The following NRXN2 variants were observed in gnomAD, a reference collection of about 807,000 sequenced individuals.
NRXN2 encodes the protein neurexin 2, also known as neurexin-2-beta.
A neutral mutation model predicts 128.8 loss-of-function variants in NRXN2; 29 were observed. The observed-to-expected ratio is 0.23, with a 90% CI of 0.17 to 0.31. The LOEUF is 0.31. Among genes scored for constraint, NRXN2 ranks in the 10% least tolerant of loss-of-function variants. The pLI is 1.00. For missense variants in NRXN2, 1,881 were observed against 2,452.6 expected (o/e 0.77, Z 4.92); for synonymous variants, 1,098 against 1,075.2 (o/e 1.02, Z -0.41).
intron 17 of NRXN2, among the ~76,000 whole-genome samples, chr11:64,636,925 A>G (rs975679732): frequency 2.0e-5 from 3 of 152,108 alleles, no homozygotes; most frequent in African/African-American, 7.2e-5. Context: ...GGGAGCTCCT[A>G]GGACCCCAAA....
chr11:64,632,458 G>A lies in NRXN2; in HGVS notation c.3586-1885C>T, dbSNP rs1303971623. ...GGCTGATCATCTGCTCCCCACACAC[G>A]GGAAGGAACAGTCGATCCTCCTCGG... On this transcript the variant is annotated intron_variant, in intron 18 of 22. Transcript: ENST00000265459. The surrounding 1 kb of genome is among the most constrained non-coding windows in gnomAD (Gnocchi z 4.2). Among the ~76,000 whole-genome samples the A allele has an allele frequency of 2.6e-5, 4 of 152,152 alleles. No homozygotes were observed. The highest frequency in any genetic ancestry group is 4.4e-5 in the Non-Finnish European group (3 of 68,022).
intron 22 of NRXN2, among the ~76,000 whole-genome samples, chr11:64,613,384 G>A (rs1565177794): frequency 6.6e-6 from 1 of 152,212 alleles, no homozygotes. Context: ...CACCAGCGGT[G>A]CACCCCAGGG....
intron 5 of NRXN2, chr11:64,688,589 C>A: frequency 1.0e-6 from 1 of 985,414 alleles, no homozygotes; most frequent in South Asian, 4.7e-5. Context: ...TCTCCCCTAT[C>A]TCGCCGGTCT....
intron 17 of NRXN2, among the ~76,000 whole-genome samples, chr11:64,647,234 T>TGTGTGC (rs1555043991): frequency 2.0e-5 from 3 of 151,546 alleles, no homozygotes; most frequent in Non-Finnish European, 4.4e-5. Context: ...TGTGTGTGTG[T>TGTGTGC]GTGCATGTGT....
At position 64,642,456 on chromosome 11, in the gene NRXN2, C is replaced by T; in HGVS notation, c.3403+5763G>A. 3 of 1,492,558 alleles carry T rather than the reference C, an allele frequency of 2.0e-6. No homozygotes were observed. The South Asian group carries it at 3.9e-5, about 19-fold the overall frequency. The allele number at this position is 1,492,558 out of a possible 1,614,324, so 92.5% of individuals were successfully genotyped here. A position where few individuals can be genotyped will look rare whatever the true frequency, so the allele number is the denominator to read the frequency against. On this transcript the variant is annotated intron_variant, in intron 17 of 22. Transcript: ENST00000265459. ...CTCGGCGTGCACAGCTGGGGTGGGG[C>T]CCGCGGGGGCCCAGCTGCGCACACG...
At chr11:64,655,874 G>A (rs912433800) in intron 11 of NRXN2, among the ~76,000 whole-genome samples, 1 of 152,206 alleles carries the variant, frequency 6.6e-6, no homozygotes, top group African/African-American at 2.4e-5. Flanking sequence ...AAGTTCAGGG[G>A]GCACTAACTA....
chr11:64,614,724 C>T (rs1259194754), intron 22 of NRXN2, among the ~76,000 whole-genome samples: 1 of 152,250 alleles, frequency 6.6e-6, no homozygotes, highest in Non-Finnish European at 1.5e-5. Context: ...TTTCCCTCTG[C>T]CCCACACCAC....
rs2066543364 is a variant in NRXN2 at position 64,713,792 on chromosome 11, CG to C, written c.-94del. 2.7e-6 allele frequency: 2 copies of C among 730,260 alleles called. No homozygotes were observed. Among genetic ancestry groups the C allele is most frequent in the Non-Finnish European group, 3.4e-6 (2 of 592,752 alleles). 45.2% of individuals were successfully genotyped at this position (730,260 alleles called of 1,614,324 possible). The stretch of plus-strand genomic sequence containing the variant: ...GGGCGGGAGGGGGCCGGGCGCTCCC[CG>C]CGCTGAGCGGGGCTCCCTTGCAGGC... On this transcript the variant is annotated 5_prime_UTR_variant, in exon 2 of 23. Transcript: ENST00000265459.
chr11:64,722,805 C>T (rs890939896), intron 1 of NRXN2, among the ~76,000 whole-genome samples, 166 bp downstream of exon 1: 10 of 150,998 alleles, frequency 6.6e-5, no homozygotes, highest in African/African-American at 2.4e-4. Context: ...AAGCCCCCAG[C>T]GGCTTTGCCT....
intron 2 of NRXN2, among the ~76,000 whole-genome samples, chr11:64,702,784 C>A: frequency 7.6e-6 from 1 of 131,574 alleles, no homozygotes; most frequent in African/African-American, 2.8e-5. Flanking sequence ...GAGAAACACC[C>A]AAGAATGATC....
intron 22 of NRXN2, among the ~76,000 whole-genome samples, chr11:64,609,732 C>T (rs537790080): frequency 6.6e-6 from 1 of 152,334 alleles, no homozygotes; most frequent in African/African-American, 2.4e-5. Flanking sequence ...ACTTGCTCCT[C>T]TTGCAGGGGC....
Position 64,635,979 on chromosome 11 carries a change from C to T in NRXN2, c.3404-527G>A, listed in dbSNP as rs2044650498. 6.6e-6 allele frequency among the ~76,000 whole-genome samples: 1 copy of T among 152,030 alleles called. No homozygotes were observed. The highest frequency in any genetic ancestry group is 2.4e-5 in the African/African-American group (1 of 41,400). On this transcript the variant is annotated intron_variant, in intron 17 of 22. Transcript: ENST00000265459. The surrounding 1 kb of genome is among the most constrained non-coding windows in gnomAD (Gnocchi z 4.8). Reference sequence around the variant, plus strand: ...CAGAGCTGGCGCCCTCCAACATCTCCCATCCCAACCCCTCTCCTGGCTTGC... The same window carrying T: ...CAGAGCTGGCGCCCTCCAACATCTCTCATCCCAACCCCTCTCCTGGCTTGC...
intron 17 of NRXN2, among the ~76,000 whole-genome samples, chr11:64,647,082 C>G (rs1244569729): frequency 6.6e-6 from 1 of 152,126 alleles, no homozygotes; most frequent in African/African-American, 2.4e-5. Context: ...GATGAAGGTC[C>G]CGCAGTGTGG....
At chr11:64,712,923 C>T in intron 2 of NRXN2, 47 bp downstream of exon 2, 1 of 1,475,660 alleles carries the variant, frequency 6.8e-7, no homozygotes, top group Non-Finnish European at 9.0e-7. Context: ...CGCCCCAGGC[C>T]CTCACCCCCG....
chr11:64,670,338 T>C (rs1176060725), intron 7 of NRXN2, among the ~76,000 whole-genome samples: 1 of 151,754 alleles, frequency 6.6e-6, no homozygotes, highest in Non-Finnish European at 1.5e-5. Flanking sequence ...GGCTGGGAAG[T>C]AGGGGTCTGG....
intron 2 of NRXN2, among the ~76,000 whole-genome samples, chr11:64,705,431 C>T (rs914842324): frequency 2.0e-5 from 3 of 152,062 alleles, no homozygotes; most frequent in Non-Finnish European, 2.9e-5. Flanking sequence ...TCAATAGCTG[C>T]GAGTCCCCCC....
intron 7 of NRXN2, among the ~76,000 whole-genome samples, chr11:64,669,301 C>T (rs1379250212): frequency 1.3e-5 from 2 of 152,188 alleles, no homozygotes; most frequent in Non-Finnish European, 2.9e-5. Flanking sequence ...TCTCTTCACT[C>T]CTCAGGTCTC....
Position 64,648,635 on chromosome 11 carries a change from C to T in NRXN2, c.3283+99G>A. 2.7e-6 allele frequency: 4 copies of T among 1,499,426 alleles called. No individual in the cohort carries two copies. Among genetic ancestry groups the T allele is most frequent in the Non-Finnish European group, 2.8e-6 (3 of 1,078,684 alleles). 92.9% of individuals were successfully genotyped at this position (1,499,426 alleles called of 1,614,324 possible). ...CTCCCATAAGGCCTGAGAAGGAAGGCCCCTTGGCAGAGCAAAGGCTACCTG... is the reference window on the plus strand; with the variant it reads ...CTCCCATAAGGCCTGAGAAGGAAGGTCCCTTGGCAGAGCAAAGGCTACCTG... On this transcript the variant is annotated intron_variant, in intron 16 of 22. Coordinates refer to ENST00000265459, the MANE Select transcript of NRXN2 (RefSeq NM_015080.4). This position sits in a 1 kb window ranked among gnomAD's most constrained non-coding sequence, Gnocchi z 4.1.
In NRXN2 at chr11:64,714,374, C is replaced by T. The variant is rs915938777; in HGVS notation, c.-244-431G>A. Reference sequence around the variant, plus strand: ...TGGCTCCCACCTCCAGCCACTGTTCCTCTCATCAGCTCTTGATACTGGATA... The same window carrying T: ...TGGCTCCCACCTCCAGCCACTGTTCTTCTCATCAGCTCTTGATACTGGATA... On this transcript the variant is annotated intron_variant, in intron 1 of 22. Coordinates refer to ENST00000265459, the MANE Select transcript of NRXN2 (RefSeq NM_015080.4). The surrounding 1 kb of genome is among the most constrained non-coding windows in gnomAD (Gnocchi z 4.5). Among the ~76,000 whole-genome samples the T allele has an allele frequency of 2.0e-5, 3 of 152,142 alleles. No homozygotes were observed. The highest frequency in any genetic ancestry group is 7.2e-5 in the African/African-American group (3 of 41,418).
Sources: gnomAD v4.1 joint callset for allele counts (sites outside exome capture counted in the v4.1 genomes callset) on GRCh38, gnomAD v4.1.1 for gene constraint, Gnocchi (gnomAD v3.1) non-coding constraint, MANE v1.5 for transcripts, NCBI Gene and HGNC (gene_info 2026-07-23, HGNC 2026-07-21) for gene names.